The following TENM3 variants were observed in gnomAD, a reference collection of about 807,000 sequenced individuals.
TENM3 encodes the protein teneurin-3.
In TENM3, 63 loss-of-function variants were observed where a neutral mutation model predicts 255.1. That is an observed-to-expected ratio of 0.25 (90% CI 0.20 to 0.30). The LOEUF (loss-of-function observed/expected upper bound fraction) is 0.30, where lower values mean the gene tolerates loss of function less well. Ranked by LOEUF, TENM3 falls within the 10% of genes least tolerant of loss-of-function variation. The pLI, the probability that TENM3 is intolerant of heterozygous loss-of-function variation, is 1.00. For missense variants in TENM3, 2,929 were observed against 3,461.1 expected (o/e 0.85, Z 3.86); for synonymous variants, 1,306 against 1,322.3 (o/e 0.99, Z 0.27).
intron 5 of TENM3, among the ~76,000 whole-genome samples, chr4:182,640,992 G>T (rs575575605): frequency 1.3e-4 from 20 of 152,186 alleles, no homozygotes; most frequent in Non-Finnish European, 2.4e-4. Flanking sequence ...CCCAGAGGCC[G>T]TAGTGGGTTC....
the TENM3 span, among the ~76,000 whole-genome samples, chr4:182,042,626 A>T: frequency 1.3e-4 from 20 of 152,358 alleles, no homozygotes; most frequent in African/African-American, 4.6e-4. Context: ...TTACAAAATA[A>T]TTATAAAATA....
At chr4:182,097,734 C>G in the TENM3 span, among the ~76,000 whole-genome samples, 1 of 152,206 alleles carries the variant, frequency 6.6e-6, no homozygotes, top group South Asian at 2.1e-4. Flanking sequence ...TGAACACTTA[C>G]TGAGTGTTTA....
At chr4:181,776,122 C>T in the TENM3 span, among the ~76,000 whole-genome samples, 1 of 152,112 alleles carries the variant, frequency 6.6e-6, no homozygotes, top group African/African-American at 2.4e-5. Flanking sequence ...CAACTTTCTG[C>T]TTCCATGAGA....
the TENM3 span, among the ~76,000 whole-genome samples, chr4:182,052,286 T>C: frequency 6.6e-6 from 1 of 152,014 alleles, no homozygotes. Context: ...AGAGCCCAGC[T>C]AGATTTGGGT....
At chr4:182,735,253 C>T (rs551563612) in intron 16 of TENM3, among the ~76,000 whole-genome samples, 3 of 152,284 alleles carry the variant, frequency 2.0e-5, no homozygotes, top group South Asian at 2.1e-4. Context: ...GTAATAAATT[C>T]GTGTATCTAC....
chr4:182,195,912 G>A (rs1261043482), intron 1 of TENM3, among the ~76,000 whole-genome samples: 2 of 151,942 alleles, frequency 1.3e-5, no homozygotes, highest in African/African-American at 2.4e-5. Flanking sequence ...AAATCTATCC[G>A]AGGCTCTGGC....
chr4:182,005,266 CG>C, the TENM3 span, among the ~76,000 whole-genome samples: 1 of 152,160 alleles, frequency 6.6e-6, no homozygotes, highest in Non-Finnish European at 1.5e-5. Context: ...GGAAGGGGTC[CG>C]GTTTCAGTTT....
intron 3 of TENM3, among the ~76,000 whole-genome samples, chr4:182,422,918 C>T (rs908340525): frequency 6.6e-6 from 1 of 152,124 alleles, no homozygotes; most frequent in Non-Finnish European, 1.5e-5. Flanking sequence ...GTCTAAGTTG[C>T]GGAGCTCACG....
intron 1 of TENM3, among the ~76,000 whole-genome samples, chr4:182,301,649 T>C (rs184956242): frequency 3.9e-4 from 59 of 152,340 alleles, no homozygotes; most frequent in African/African-American, 1.4e-3. Context: ...CTATCTACAA[T>C]AGAACACACC....
At chr4:181,479,026 A>C in the TENM3 span, among the ~76,000 whole-genome samples, 1,112 of 152,352 alleles carry the variant, frequency 7.3e-3, 14 homozygotes, top group African/African-American at 0.024. Flanking sequence ...GACACATCAC[A>C]AACATTCAGA....
chr4:181,888,620 A>AG, the TENM3 span, among the ~76,000 whole-genome samples: 59 of 35,626 alleles, frequency 1.7e-3, 1 homozygote, highest in East Asian at 0.035. Context: ...GTGTGTGTGG[A>AG]AAGAGAGAGA....
the TENM3 span, among the ~76,000 whole-genome samples, chr4:181,551,529 A>G: frequency 6.6e-6 from 1 of 152,182 alleles, no homozygotes; most frequent in Admixed American, 6.5e-5. Flanking sequence ...AGCTTCGGCA[A>G]CCACTGGCAC....
At chr4:182,688,006 T>G (rs1488625485) in intron 11 of TENM3, among the ~76,000 whole-genome samples, 160 bp from the exon 12 acceptor site, 1 of 152,246 alleles carries the variant, frequency 6.6e-6, no homozygotes, top group Non-Finnish European at 1.5e-5. Context: ...TAGTAGTCAG[T>G]GCTGAAATTT....
the TENM3 span, among the ~76,000 whole-genome samples, chr4:182,111,929 T>C: frequency 6.6e-6 from 1 of 152,170 alleles, no homozygotes; most frequent in East Asian, 1.9e-4. Flanking sequence ...GTTCTTAAAG[T>C]CTTGACCGTA....
At chr4:181,943,495 T>G in the TENM3 span, among the ~76,000 whole-genome samples, 1 of 152,320 alleles carries the variant, frequency 6.6e-6, no homozygotes, top group East Asian at 1.9e-4. Flanking sequence ...TTACTATTAT[T>G]TCAGTGATTG....
At chr4:181,627,305 TACTC>T in the TENM3 span, among the ~76,000 whole-genome samples, 85 of 152,272 alleles carry the variant, frequency 5.6e-4, no homozygotes, top group East Asian at 0.011. Flanking sequence ...ATGCTATAAA[TACTC>T]ACAAAGGGAA....
intron 3 of TENM3, among the ~76,000 whole-genome samples, chr4:182,440,645 T>A (rs930894615): frequency 1.1e-4 from 16 of 152,012 alleles, no homozygotes; most frequent in African/African-American, 3.6e-4. Context: ...AACAGACCCA[T>A]GAGGAAATGG....
At chr4:182,100,492 TATAC>T in the TENM3 span, among the ~76,000 whole-genome samples, 1 of 137,150 alleles carries the variant, frequency 7.3e-6, no homozygotes, top group Non-Finnish European at 1.6e-5. Context: ...CATATATATA[TATAC>T]ACACACACAC....
At chr4:182,323,107 C>T (rs1208358057) in intron 1 of TENM3, among the ~76,000 whole-genome samples, 6 of 152,044 alleles carry the variant, frequency 3.9e-5, no homozygotes, top group African/African-American at 7.2e-5. Flanking sequence ...AGTCTTTTGC[C>T]GGCAGACCCT....
Sources: allele counts gnomAD v4.1 joint callset (sites outside exome capture counted in the v4.1 genomes callset), GRCh38; gene constraint gnomAD v4.1.1; transcripts MANE v1.5; gene names NCBI Gene and HGNC (gene_info 2026-07-23, HGNC 2026-07-21).